CAST: variants seen among roughly 807,000 people sequenced by gnomAD.
The protein encoded by CAST is MIR583 host.
In CAST, 76 loss-of-function variants were observed where a neutral mutation model predicts 119.6. The ratio of observed to expected loss-of-function variants is 0.64; its 90% CI spans 0.53 to 0.77. The LOEUF is 0.77. Ranked by LOEUF, CAST falls within the 30% of genes least tolerant of loss-of-function variation. CAST has a pLI of 0.00. For synonymous variants in CAST, 319 were observed against 331.6 expected (o/e 0.96, Z 0.41); for missense variants, 953 against 946.5 (o/e 1.01, Z -0.09).
the CAST span, chr5:96,393,161 T>C: frequency 3.7e-6 from 6 of 1,614,110 alleles, no homozygotes; most frequent in African/African-American, 8.0e-5. Flanking sequence ...CAGGGCTTCG[T>C]AGAAGTTTTC....
At chr5:96,453,957 T>C in the CAST span, among the ~76,000 whole-genome samples, 2 of 152,112 alleles carry the variant, frequency 1.3e-5, no homozygotes, top group Admixed American at 6.5e-5. Flanking sequence ...ACAACAACAA[T>C]ACAAGCTGGC....
At chr5:96,382,055 G>A in the CAST span, among the ~76,000 whole-genome samples, 2 of 152,292 alleles carry the variant, frequency 1.3e-5, no homozygotes, top group African/African-American at 4.8e-5. Context: ...AGTGAAAAAG[G>A]TGTATGAGGT....
intron 1 of CAST, among the ~76,000 whole-genome samples, chr5:96,615,801 G>T (rs184458217): frequency 4.6e-5 from 7 of 152,078 alleles, no homozygotes; most frequent in Non-Finnish European, 7.3e-5. Flanking sequence ...CTGGTATTAG[G>T]GTTCTCTTGA....
At chr5:96,362,203 T>A in the CAST span, among the ~76,000 whole-genome samples, 1 of 152,306 alleles carries the variant, frequency 6.6e-6, no homozygotes, top group African/African-American at 2.4e-5. Context: ...ATGGTGTATA[T>A]GTGCCACATT....
At chr5:96,660,417 T>C (rs1034972332), upstream of CAST, among the ~76,000 whole-genome samples, 1 of 152,240 alleles carries the variant, frequency 6.6e-6, no homozygotes, top group Non-Finnish European at 1.5e-5. Context: ...GGACAGGCAA[T>C]GTATCTTTTT....
upstream of CAST, among the ~76,000 whole-genome samples, chr5:96,659,055 G>A (rs565330310): frequency 1.2e-4 from 19 of 152,312 alleles, no homozygotes; most frequent in African/African-American, 4.3e-4. Flanking sequence ...CCAGTTGGTG[G>A]AGCAGTCAAA....
chr5:96,016,631 A>T, the CAST span, among the ~76,000 whole-genome samples: 9 of 152,036 alleles, frequency 5.9e-5, no homozygotes, highest in Admixed American at 3.3e-4. Flanking sequence ...TGCTAGTATT[A>T]TTTTATCTTT....
At chr5:96,547,290 C>G (rs943643983) in intron 1 of CAST, among the ~76,000 whole-genome samples, 4 of 152,126 alleles carry the variant, frequency 2.6e-5, no homozygotes, top group African/African-American at 9.7e-5. Context: ...CAATATAAAT[C>G]TGAAAGGCCT....
chr5:96,527,395 GCATAGTGAGTTTGGAGTCC>G (rs1184777124), upstream of CAST, among the ~76,000 whole-genome samples: 1 of 152,176 alleles, frequency 6.6e-6, no homozygotes, highest in East Asian at 1.9e-4. Flanking sequence ...TTTTCTGTTA[GCATAGTGAGTTTGGAGTCC>G]CAAGATTTTT....
chr5:96,555,740 G>C (rs562843388), intron 1 of CAST, among the ~76,000 whole-genome samples: 1 of 152,322 alleles, frequency 6.6e-6, no homozygotes, highest in East Asian at 1.9e-4. Flanking sequence ...GCTCAAACTG[G>C]GTGGAGCCCA....
At chr5:95,988,925 G>A in the CAST span, among the ~76,000 whole-genome samples, 6 of 152,120 alleles carry the variant, frequency 3.9e-5, no homozygotes, top group African/African-American at 1.4e-4. Context: ...ATTCCTCATA[G>A]GAATTTTGAA....
the CAST span, among the ~76,000 whole-genome samples, chr5:96,023,452 A>G: frequency 6.6e-6 from 1 of 152,238 alleles, no homozygotes; most frequent in African/African-American, 2.4e-5. Flanking sequence ...GCTCAAATGT[A>G]TAATAACCTT....
At chr5:96,302,090 C>T in the CAST span, among the ~76,000 whole-genome samples, 1 of 152,166 alleles carries the variant, frequency 6.6e-6, no homozygotes, top group South Asian at 2.1e-4. Context: ...GGATCCCAAG[C>T]CTCAACTCTT....
chr5:96,096,441 A>G, the CAST span, among the ~76,000 whole-genome samples: 1 of 152,164 alleles, frequency 6.6e-6, no homozygotes, highest in Non-Finnish European at 1.5e-5. Flanking sequence ...TCCCTGCCAC[A>G]CAGAAAAGGA....
the CAST span, among the ~76,000 whole-genome samples, chr5:96,411,935 G>A: frequency 3.9e-5 from 6 of 152,066 alleles, no homozygotes; most frequent in Non-Finnish European, 7.4e-5. Flanking sequence ...TCAGCCTCCC[G>A]AGTAGCTGGG....
At chr5:96,416,857 A>G in the CAST span, among the ~76,000 whole-genome samples, 1 of 152,238 alleles carries the variant, frequency 6.6e-6, no homozygotes, top group Non-Finnish European at 1.5e-5. Context: ...TGCGTCTTCC[A>G]AACACCAAAT....
chr5:96,561,796 G>GTTTTTTTGTTTTTTTTTTTTTTTTTTT (rs1267067922), intron 1 of CAST, among the ~76,000 whole-genome samples: 3 of 97,402 alleles, frequency 3.1e-5, no homozygotes, highest in African/African-American at 3.8e-5. Context: ...GTTTTTTTTT[G>GTTTTTTTGTTTTTTTTTTTTTTTTTTT]TTTTTTTTTT....
At chr5:96,618,727 C>A (rs1365234160) in intron 1 of CAST, among the ~76,000 whole-genome samples, 3 of 152,214 alleles carry the variant, frequency 2.0e-5, no homozygotes, top group African/African-American at 7.2e-5. Context: ...CGCATTCTTG[C>A]CGGGCCTCAG....
chr5:96,647,036 T>G (rs1036964095), intron 1 of CAST, among the ~76,000 whole-genome samples: 4 of 152,208 alleles, frequency 2.6e-5, no homozygotes, highest in Non-Finnish European at 5.9e-5. Context: ...AGGCTTGGAT[T>G]ATTTTTGTTT....
Sources: allele counts gnomAD v4.1 joint callset (sites outside exome capture counted in the v4.1 genomes callset), GRCh38; gene constraint gnomAD v4.1.1; transcripts MANE v1.5; gene names NCBI Gene and HGNC (gene_info 2026-07-23, HGNC 2026-07-21).